Variants in SYN3 observed in about 807,000 individuals in gnomAD.
SYN3 encodes synapsin III, also known as synapsin-3.
In SYN3, 35 loss-of-function variants were observed where a neutral mutation model predicts 65.8. The ratio of observed to expected loss-of-function variants is 0.53; its 90% CI spans 0.41 to 0.70. The LOEUF (loss-of-function observed/expected upper bound fraction) is 0.70, where lower values mean the gene tolerates loss of function less well. Ranked by LOEUF, SYN3 falls within the 30% of genes least tolerant of loss-of-function variation. SYN3 has a pLI of 0.00. For missense variants in SYN3, 680 were observed against 749.0 expected, an observed-to-expected ratio of 0.91 and a Z score of 1.08; for synonymous variants, 270 against 292.9, an observed-to-expected ratio of 0.92 and a Z score of 0.80.
intron 5 of SYN3, among the ~76,000 whole-genome samples, chr22:32,867,121 T>G (rs558960904): frequency 1.3e-5 from 2 of 152,222 alleles, no homozygotes; most frequent in South Asian, 4.2e-4. Context: ...GCTCACACTC[T>G]CAACTACCAC....
chr22:32,726,076 T>A (rs1193658871), intron 6 of SYN3, among the ~76,000 whole-genome samples: 1 of 152,074 alleles, frequency 6.6e-6, no homozygotes, highest in Non-Finnish European at 1.5e-5. Flanking sequence ...CCATGTGAGG[T>A]CTAGTCTTCA....
At chr22:32,676,724 T>C (rs1381993717) in intron 6 of SYN3, among the ~76,000 whole-genome samples, 1 of 144,598 alleles carries the variant, frequency 6.9e-6, no homozygotes, top group Non-Finnish European at 1.5e-5. Context: ...TTTTTTTTTT[T>C]AGTAGAGACG....
chr22:32,582,430 G>C (rs1283122594), intron 7 of SYN3, among the ~76,000 whole-genome samples: 2 of 151,142 alleles, frequency 1.3e-5, no homozygotes, highest in African/African-American at 4.9e-5. Flanking sequence ...GCTCACTGCA[G>C]CCTCGACTTC....
At chr22:32,540,929 G>A (rs1325371568) in intron 8 of SYN3, among the ~76,000 whole-genome samples, 1 of 152,130 alleles carries the variant, frequency 6.6e-6, no homozygotes, top group African/African-American at 2.4e-5. Flanking sequence ...ATTATTTCTG[G>A]CTGCCCACCT....
At chr22:32,770,417 G>A (rs1330348672) in intron 6 of SYN3, among the ~76,000 whole-genome samples, 1 of 152,106 alleles carries the variant, frequency 6.6e-6, no homozygotes, top group Non-Finnish European at 1.5e-5. Flanking sequence ...GGGCCTGTGT[G>A]ATCTGCTCTT....
chr22:32,516,256 A>G (rs939424846), intron 13 of SYN3, among the ~76,000 whole-genome samples: 7 of 152,194 alleles, frequency 4.6e-5, no homozygotes, highest in African/African-American at 1.4e-4. Flanking sequence ...AAGGACACAT[A>G]GGAACTAACA....
chr22:32,965,601 A>C (rs1233319253), intron 3 of SYN3, among the ~76,000 whole-genome samples: 1 of 151,898 alleles, frequency 6.6e-6, no homozygotes, highest in African/African-American at 2.4e-5. Flanking sequence ...TGCGTAAGAG[A>C]GAGAGAGACA....
intron 3 of SYN3, among the ~76,000 whole-genome samples, chr22:32,948,441 A>C (rs759304927): frequency 7.2e-5 from 11 of 152,208 alleles, no homozygotes; most frequent in South Asian, 4.1e-4. Flanking sequence ...TCATCCATTA[A>C]GAAAATCTCT....
intron 6 of SYN3, among the ~76,000 whole-genome samples, chr22:32,843,570 C>T (rs1021971200): frequency 2.6e-5 from 4 of 152,322 alleles, no homozygotes; most frequent in East Asian, 3.9e-4. Context: ...AAAATACACA[C>T]GAAGGGGCCG....
At chr22:32,916,777 AT>A (rs1405238850) in intron 4 of SYN3, among the ~76,000 whole-genome samples, 2 of 152,220 alleles carry the variant, frequency 1.3e-5, no homozygotes, top group Non-Finnish European at 2.9e-5. Context: ...TTCCTAAATT[AT>A]TCACATCACG....
At chr22:32,750,488 G>A (rs1344244796) in intron 6 of SYN3, among the ~76,000 whole-genome samples, 3 of 147,186 alleles carry the variant, frequency 2.0e-5, no homozygotes, top group Admixed American at 1.3e-4. Flanking sequence ...GAGAAATAAC[G>A]GTGGTGTACA....
At chr22:32,665,456 C>T (rs1455697988) in intron 6 of SYN3, among the ~76,000 whole-genome samples, 1 of 151,140 alleles carries the variant, frequency 6.6e-6, no homozygotes, top group East Asian at 2.0e-4. Context: ...TATTTTATTC[C>T]TTCTTATGGC....
At chr22:32,998,626 C>T (rs1221898551) in intron 2 of SYN3, among the ~76,000 whole-genome samples, 3 of 152,018 alleles carry the variant, frequency 2.0e-5, no homozygotes, top group Admixed American at 2.0e-4. Context: ...GCCCTCCTCC[C>T]CATTCTATCC....
At chr22:32,589,629 C>T (rs1386810167) in intron 7 of SYN3, among the ~76,000 whole-genome samples, 1 of 152,182 alleles carries the variant, frequency 6.6e-6, no homozygotes. Context: ...TAAGATGTGC[C>T]TCTGATTGTT....
intron 3 of SYN3, among the ~76,000 whole-genome samples, chr22:32,954,404 TG>T (rs1265115402): frequency 6.8e-6 from 1 of 147,870 alleles, no homozygotes; most frequent in Non-Finnish European, 1.5e-5. Flanking sequence ...TTTTGCTACC[TG>T]CAGTGGATAG....
chr22:32,514,250 C>T (rs78964538), intron 13 of SYN3, among the ~76,000 whole-genome samples: 4,617 of 152,242 alleles, frequency 0.03, 98 homozygotes, highest in Non-Finnish European at 0.047. Flanking sequence ...TTCCAGCACT[C>T]GTTTAGGTAT....
At chr22:32,905,110 C>T (rs2146545838) in intron 4 of SYN3, among the ~76,000 whole-genome samples, 1 of 152,232 alleles carries the variant, frequency 6.6e-6, no homozygotes, top group African/African-American at 2.4e-5. Flanking sequence ...CTCGAATTTG[C>T]TATACTCTCA....
At chr22:32,636,237 TA>T (rs927550534) in intron 6 of SYN3, among the ~76,000 whole-genome samples, 3 of 151,396 alleles carry the variant, frequency 2.0e-5, no homozygotes, top group Non-Finnish European at 4.4e-5. Flanking sequence ...CCGTCTCTAC[TA>T]ACAACACAAA....
At chr22:32,778,035 C>G (rs1213763087) in intron 6 of SYN3, among the ~76,000 whole-genome samples, 1 of 152,178 alleles carries the variant, frequency 6.6e-6, no homozygotes, top group Non-Finnish European at 1.5e-5. Flanking sequence ...AGAATAGAGT[C>G]TGCCAGCTGC....
Sources: gnomAD v4.1 joint callset for allele counts (sites outside exome capture counted in the v4.1 genomes callset) on GRCh38, gnomAD v4.1.1 for gene constraint, MANE v1.5 for transcripts, NCBI Gene and HGNC (gene_info 2026-07-23, HGNC 2026-07-21) for gene names.